The following FSTL4 variants were observed in gnomAD, a reference collection of about 807,000 sequenced individuals.
FSTL4 encodes follistatin-related protein 4.
Under a neutral mutation model 78.2 loss-of-function variants are expected in FSTL4, and 28 were observed. The observed-to-expected ratio is 0.36, with a 90% confidence interval of 0.27 to 0.49. FSTL4 has a LOEUF of 0.49. Among genes scored for constraint, FSTL4 ranks in the 20% least tolerant of loss-of-function variants. The pLI, the probability that FSTL4 is intolerant of heterozygous loss-of-function variation, is 0.98. For missense variants in FSTL4, 922 were observed against 1,084.9 expected (o/e 0.85, Z 2.11); for synonymous variants, 422 against 440.5 (o/e 0.96, Z 0.53).
At chr5:133,798,717 C>A in the FSTL4 span, among the ~76,000 whole-genome samples, 1 of 152,166 alleles carries the variant, frequency 6.6e-6, no homozygotes, top group South Asian at 2.1e-4. Context: ...CAACCGAAAT[C>A]TTAGAAAGCC....
At chr5:133,738,109 G>T in the FSTL4 span, among the ~76,000 whole-genome samples, 2 of 152,084 alleles carry the variant, frequency 1.3e-5, no homozygotes, top group African/African-American at 4.8e-5. Flanking sequence ...TAGCCAGCCT[G>T]TCTTCATCCG....
chr5:133,736,150 TG>T, the FSTL4 span, among the ~76,000 whole-genome samples: 1 of 152,180 alleles, frequency 6.6e-6, no homozygotes, highest in East Asian at 1.9e-4. Flanking sequence ...GTATAGGCCT[TG>T]GCCTACGGTA....
At position 133,225,093 on chromosome 5, in the gene FSTL4, T is replaced by C; in HGVS notation, c.1312+57A>G. The C allele has an allele frequency of 6.2e-7, 1 of 1,606,912 alleles. No individual in the cohort carries two copies. Among genetic ancestry groups the C allele is most frequent in the Non-Finnish European group, 8.5e-7 (1 of 1,174,346 alleles). ...GCCCTGGTCAATTGGTGCCCTCCCT[T>C]GCCACCCAACACCTCCCAGCCAGCT... On this transcript the variant is annotated intron_variant, in intron 10 of 15. Transcript: ENST00000265342. This position sits in a 1 kb window ranked among gnomAD's most constrained non-coding sequence, Gnocchi z 4.6.
intron 6 of FSTL4, among the ~76,000 whole-genome samples, chr5:133,303,429 CT>C (rs985842628): frequency 2.0e-5 from 3 of 152,248 alleles, no homozygotes; most frequent in African/African-American, 7.2e-5. Context: ...CAATGCCTCT[CT>C]CTGCCTAGCC....
chr5:133,428,572 T>C (rs1457243185), intron 3 of FSTL4, among the ~76,000 whole-genome samples: 1 of 152,204 alleles, frequency 6.6e-6, no homozygotes, highest in Non-Finnish European at 1.5e-5. Context: ...CTGGCACCTG[T>C]GCTGTTCTCA....
chr5:133,400,999 C>G lies in FSTL4; in HGVS notation c.161-13G>C, dbSNP rs1376863391. On this transcript the variant is annotated splice_polypyrimidine_tract_variant and intron_variant, in intron 3 of 15. Transcript: ENST00000265342. ...TGGCTGGAAAGCCCTGCCAGACACA[C>G]AAACACAGAGGGTCAGCTGTAAACA... 1.2e-6 allele frequency: 2 copies of G among 1,612,626 alleles called. No individual in the cohort carries two copies. The highest frequency in any genetic ancestry group is 2.7e-5 in the African/African-American group (2 of 75,048).
the FSTL4 span, among the ~76,000 whole-genome samples, chr5:133,813,788 G>C: frequency 6.6e-6 from 1 of 152,132 alleles, no homozygotes; most frequent in African/African-American, 2.4e-5. Flanking sequence ...CTACCATCAG[G>C]CTCCTATATT....
chr5:133,256,114 G>T (rs1752374053), intron 6 of FSTL4, among the ~76,000 whole-genome samples: 2 of 152,140 alleles, frequency 1.3e-5, no homozygotes, highest in South Asian at 4.2e-4. Context: ...TCAGTAACCT[G>T]CCTGCACATC....
intron 3 of FSTL4, among the ~76,000 whole-genome samples, chr5:133,552,943 T>C (rs879937467): frequency 3.0e-4 from 45 of 152,160 alleles, no homozygotes; most frequent in Non-Finnish European, 5.6e-4. Context: ...TCTGGACACT[T>C]GCACATGGTA....
At chr5:133,691,897 C>T in the FSTL4 span, among the ~76,000 whole-genome samples, 1 of 152,212 alleles carries the variant, frequency 6.6e-6, no homozygotes, top group Non-Finnish European at 1.5e-5. Flanking sequence ...CTTCACCACT[C>T]ACTGGTTTAC....
chr5:133,265,717 C>T (rs185039170), intron 6 of FSTL4, among the ~76,000 whole-genome samples: 75 of 152,314 alleles, frequency 4.9e-4, no homozygotes, highest in African/African-American at 1.8e-3. Flanking sequence ...CACAGGCTGG[C>T]AGGAGATGCT....
rs58823934 is a variant in FSTL4, at chr5:133,338,319, C to T, written c.410-21667G>A. On this transcript the variant is annotated intron_variant, in intron 4 of 15. Transcript: ENST00000265342. The surrounding 1 kb of genome is among the most constrained non-coding windows in gnomAD (Gnocchi z 4.0). ...AGTGCACACTCTGGACTGGCTCCTG[C>T]GGGAGAACACAAGAGTGGCCATGGA... Among the ~76,000 whole-genome samples the T allele has an allele frequency of 0.011, 1,636 of 152,196 alleles. 33 individuals are homozygous for T. The highest frequency in any genetic ancestry group is 0.037 in the African/African-American group (1,550 of 41,506).
chr5:133,636,620 G>T, the FSTL4 span, among the ~76,000 whole-genome samples: 22 of 152,060 alleles, frequency 1.4e-4, no homozygotes, highest in Admixed American at 2.6e-4. Flanking sequence ...CCACTTAGGG[G>T]TTACTATGAG....
rs181524918 is a variant in FSTL4, at chr5:133,320,921, G to A, written c.410-4269C>T. On this transcript the variant is annotated intron_variant, in intron 4 of 15. Transcript: ENST00000265342. ...ACTCGGGAGGCTGAGGCAGGAGAAT[G>A]GTATGAACCCGGGAGGCACAGCTTG... 6.0e-3 allele frequency among the ~76,000 whole-genome samples: 885 copies of A among 147,342 alleles called. 10 individuals are homozygous for A. The highest frequency in any genetic ancestry group is 0.021 in the African/African-American group (816 of 39,760).
chr5:133,243,561 G>A (rs1751943726), intron 7 of FSTL4, among the ~76,000 whole-genome samples: 1 of 152,252 alleles, frequency 6.6e-6, no homozygotes. Flanking sequence ...CTGGGGGCTA[G>A]ATATTATGTC....
chr5:133,448,102 C>T (rs1757303799), intron 3 of FSTL4, among the ~76,000 whole-genome samples: 1 of 152,206 alleles, frequency 6.6e-6, no homozygotes, highest in African/African-American at 2.4e-5. Context: ...ATGCTGAGAA[C>T]ACACTTTAAA....
chr5:133,316,379 C>G, intron 5 of FSTL4, 80 bp downstream of exon 5: 3 of 1,126,434 alleles, frequency 2.7e-6, no homozygotes, highest in Non-Finnish European at 2.6e-6. Flanking sequence ...AACACATGCT[C>G]TTAGACACCA....
chr5:133,313,331 TC>T (rs1472227388), intron 5 of FSTL4, among the ~76,000 whole-genome samples: 1 of 151,716 alleles, frequency 6.6e-6, no homozygotes, highest in Non-Finnish European at 1.5e-5. Context: ...GACCTGAGCT[TC>T]CCCCCTGCCT....
chr5:133,203,543 A>C (rs1236198517), intron 14 of FSTL4, among the ~76,000 whole-genome samples: 1 of 152,172 alleles, frequency 6.6e-6, no homozygotes, highest in Non-Finnish European at 1.5e-5. Context: ...GGTTTGAGGC[A>C]GTCCTCATGT....
Sources: allele counts gnomAD v4.1 joint callset (sites outside exome capture counted in the v4.1 genomes callset), GRCh38; gene constraint gnomAD v4.1.1; non-coding constraint Gnocchi (gnomAD v3.1); transcripts MANE v1.5; gene names NCBI Gene and HGNC (gene_info 2026-07-23, HGNC 2026-07-21).